The following NRXN3 variants were observed in gnomAD, a reference collection of about 807,000 sequenced individuals.
The protein encoded by NRXN3 is neurexin III.
Under a neutral mutation model 137.6 loss-of-function variants are expected in NRXN3, and 32 were observed. That is an observed-to-expected ratio of 0.23 (90% CI 0.18 to 0.31). NRXN3 has a LOEUF of 0.31. Ranked by LOEUF, NRXN3 falls within the 10% of genes least tolerant of loss-of-function variation. The pLI is 1.00. For synonymous variants in NRXN3, 798 were observed against 784.5 expected, an observed-to-expected ratio of 1.02 and a Z score of -0.29; for missense variants, 1,574 against 2,062.5, an observed-to-expected ratio of 0.76 and a Z score of 4.59.
chr14:79,433,748 C>T (rs2095800765), intron 15 of NRXN3, among the ~76,000 whole-genome samples: 1 of 152,184 alleles, frequency 6.6e-6, no homozygotes, highest in African/African-American at 2.4e-5. Flanking sequence ...TCCACTTGAA[C>T]ACTTGCCATT....
chr14:78,810,495 G>T, intron 10 of NRXN3, 151 bp downstream of exon 10: 1 of 178,184 alleles, frequency 5.6e-6, no homozygotes, highest in Non-Finnish European at 1.1e-5. Flanking sequence ...GAAGATGGGG[G>T]GCTGGGTGAG....
At chr14:79,588,097 G>C (rs558499996) in intron 16 of NRXN3, among the ~76,000 whole-genome samples, 4 of 152,240 alleles carry the variant, frequency 2.6e-5, no homozygotes, top group South Asian at 2.1e-4. Context: ...TGTCAATTCT[G>C]AGCAATTTTT....
chr14:79,073,975 A>G (rs563264913), intron 15 of NRXN3, among the ~76,000 whole-genome samples: 1 of 152,346 alleles, frequency 6.6e-6, no homozygotes, highest in South Asian at 2.1e-4. Context: ...CACGTAGAAA[A>G]GTACCTGCCA....
At chr14:78,841,652 T>C (rs1322922832) in intron 10 of NRXN3, among the ~76,000 whole-genome samples, 2 of 152,126 alleles carry the variant, frequency 1.3e-5, no homozygotes, top group Non-Finnish European at 1.5e-5. Context: ...TTCTAGTTCA[T>C]TGTTTTTTTG....
chr14:79,593,617 C>T (rs1253369805), intron 16 of NRXN3, among the ~76,000 whole-genome samples: 1 of 120,406 alleles, frequency 8.3e-6, no homozygotes, highest in Non-Finnish European at 1.6e-5. Context: ...CACTACGGAG[C>T]GAGACTCCGT....
rs989208030 is a variant in NRXN3 at position 78,385,310 on chromosome 14, C to T, written c.757+87450C>T. On this transcript the variant is annotated intron_variant, in intron 4 of 20. Coordinates refer to ENST00000335750, the MANE Select transcript of NRXN3 (RefSeq NM_001330195.2). ...TAAGCAACACACACACACACACACACACACACACACACACACACACACACG... is the reference window on the plus strand; with the variant it reads ...TAAGCAACACACACACACACACACATACACACACACACACACACACACACG... Among the ~76,000 whole-genome samples, 15 of 148,994 alleles carry T rather than the reference C, an allele frequency of 1.0e-4. 1 individual carries two copies. The East Asian group carries it at 3.5e-3, about 34-fold the overall frequency.
intron 1 of NRXN3, among the ~76,000 whole-genome samples, chr14:78,200,014 C>A (rs1257258565): frequency 6.6e-6 from 1 of 152,172 alleles, no homozygotes; most frequent in Admixed American, 6.5e-5. Flanking sequence ...GTAAGTGCTG[C>A]TTTAGGGTCC....
At position 79,692,020 on chromosome 14, in the gene NRXN3, C is replaced by A. The variant is rs1032658800; in HGVS notation, c.3617-153C>A. On this transcript the variant is annotated intron_variant, in intron 17 of 20. Coordinates refer to ENST00000335750, the MANE Select transcript of NRXN3 (RefSeq NM_001330195.2). The stretch of plus-strand genomic sequence containing the variant: ...TAACCTGACCTTTAAACCTATCGAC[C>A]AAGGGCAGAGTGACTTCAACTCCAC... Among the ~76,000 whole-genome samples the A allele has an allele frequency of 2.0e-5, 3 of 151,922 alleles. No individual in the cohort carries two copies. In the East Asian group the frequency reaches 5.8e-4, roughly 29 times the overall value.
chr14:78,806,454 A>G (rs1281319621), intron 9 of NRXN3, among the ~76,000 whole-genome samples: 1 of 152,184 alleles, frequency 6.6e-6, no homozygotes, highest in Non-Finnish European at 1.5e-5. Context: ...CTTCACATGC[A>G]TTCCACCAAA....
chr14:78,889,067 G>A (rs958394342), intron 10 of NRXN3, among the ~76,000 whole-genome samples: 1 of 151,936 alleles, frequency 6.6e-6, no homozygotes, highest in African/African-American at 2.4e-5. Context: ...AAATTGTACA[G>A]TATGATAAAA....
At chr14:78,671,542 C>A (rs1456358438) in intron 6 of NRXN3, among the ~76,000 whole-genome samples, 1 of 151,904 alleles carries the variant, frequency 6.6e-6, no homozygotes, top group Non-Finnish European at 1.5e-5. Context: ...GCACATGGAC[C>A]CTCTGAAACT....
chr14:79,732,172 C>CTCAT (rs1467418260), intron 19 of NRXN3, among the ~76,000 whole-genome samples: 2 of 152,004 alleles, frequency 1.3e-5, no homozygotes, highest in Non-Finnish European at 2.9e-5. Flanking sequence ...CAGTGCAGTG[C>CTCAT]TCATTCTCTC....
intron 10 of NRXN3, among the ~76,000 whole-genome samples, chr14:78,818,868 T>A (rs1184811527): frequency 1.3e-5 from 2 of 152,182 alleles, no homozygotes; most frequent in Admixed American, 1.3e-4. Flanking sequence ...TTCTTGTTTT[T>A]CTTGAAGAAA....
chr14:78,721,312 C>T (rs183826082), intron 8 of NRXN3, among the ~76,000 whole-genome samples: 2 of 152,230 alleles, frequency 1.3e-5, no homozygotes, highest in Non-Finnish European at 2.9e-5. Flanking sequence ...CCTCATCCCT[C>T]GTAGGTTTCC....
chr14:78,508,900 A>G (rs938609655), intron 4 of NRXN3, among the ~76,000 whole-genome samples: 7 of 152,230 alleles, frequency 4.6e-5, no homozygotes, highest in Non-Finnish European at 7.3e-5. Context: ...CGAGGTTGTC[A>G]GACTGATTCA....
At chr14:78,796,052 C>T (rs2098820650) in intron 8 of NRXN3, among the ~76,000 whole-genome samples, 1 of 152,194 alleles carries the variant, frequency 6.6e-6, no homozygotes, top group African/African-American at 2.4e-5. Flanking sequence ...CTACTGGTGC[C>T]TCTCATTTTC....
At chr14:78,483,132 A>T (rs988048351) in intron 4 of NRXN3, among the ~76,000 whole-genome samples, 15 of 152,166 alleles carry the variant, frequency 9.9e-5, no homozygotes, top group African/African-American at 3.1e-4. Context: ...CAGCTAGAGA[A>T]CTAGTGATCA....
chr14:78,365,852 T>C (rs2085857704), intron 4 of NRXN3, among the ~76,000 whole-genome samples: 1 of 152,214 alleles, frequency 6.6e-6, no homozygotes, highest in African/African-American at 2.4e-5. Context: ...TACAAATTTC[T>C]ACCAAGAATC....
At chr14:78,301,480 G>T (rs978999385) in intron 4 of NRXN3, among the ~76,000 whole-genome samples, 1 of 152,212 alleles carries the variant, frequency 6.6e-6, no homozygotes, top group Non-Finnish European at 1.5e-5. Flanking sequence ...AGCTGTCAGA[G>T]ACCCGAGCCT....
Sources: gnomAD v4.1 joint callset for allele counts (sites outside exome capture counted in the v4.1 genomes callset) on GRCh38, gnomAD v4.1.1 for gene constraint, MANE v1.5 for transcripts, NCBI Gene and HGNC (gene_info 2026-07-23, HGNC 2026-07-21) for gene names.